INVS: variants seen among roughly 807,000 people sequenced by gnomAD.
The protein encoded by INVS is inversin.
Under a neutral mutation model 108.8 loss-of-function variants are expected in INVS, and 86 were observed. That is an observed-to-expected ratio of 0.79 (90% CI 0.66 to 0.95). INVS has a LOEUF of 0.95. Among genes scored for constraint, INVS ranks in the 40% least tolerant of loss-of-function variants. The pLI is 0.00. For missense variants in INVS, 1,169 were observed against 1,297.4 expected, an observed-to-expected ratio of 0.90 and a Z score of 1.52; for synonymous variants, 455 against 473.5, an observed-to-expected ratio of 0.96 and a Z score of 0.51.
chr9:100,264,757 C>A (rs1372576665), intron 10 of INVS, 65 bp from the exon 11 acceptor site: 4 of 1,071,782 alleles, frequency 3.7e-6, no homozygotes, highest in South Asian at 1.3e-5. Context: ...TTTGAATTAG[C>A]ATAAATAACC....
chr9:100,142,817 AGTT>A (rs1828475219), intron 3 of INVS, among the ~76,000 whole-genome samples: 2 of 152,214 alleles, frequency 1.3e-5, no homozygotes, highest in South Asian at 4.1e-4. Flanking sequence ...AGTAAGGTCC[AGTT>A]GTTTGGACAG....
At chr9:100,178,496 C>A (rs1293096894) in intron 3 of INVS, among the ~76,000 whole-genome samples, 1 of 152,050 alleles carries the variant, frequency 6.6e-6, no homozygotes, top group Non-Finnish European at 1.5e-5. Flanking sequence ...GAAGCACACG[C>A]AAGTATCAAT....
rs1161036698 is a variant in INVS at position 100,122,576 on chromosome 9, C to CTTTTTTTTTT, written c.107-3791_107-3782dup. On this transcript the variant is annotated intron_variant, in intron 2 of 16. Coordinates refer to ENST00000262457, the MANE Select transcript of INVS (RefSeq NM_014425.5). Reference sequence around the variant, plus strand: ...ATGTTATTGTATTTTAAGTGAGTTTCTTTTTTTTTTTTTTTTTTTTTTTTT... The same window carrying CTTTTTTTTTT: ...ATGTTATTGTATTTTAAGTGAGTTTCTTTTTTTTTTTTTTTTTTTTTTTTTTTTTTTTTTT... Among the ~76,000 whole-genome samples the CTTTTTTTTTT allele has an allele frequency of 2.6e-4, 15 of 57,518 alleles. 2 individuals are homozygous for CTTTTTTTTTT. The highest frequency in any genetic ancestry group is 3.3e-4 in the African/African-American group (5 of 14,972). The allele number at this position is 57,518 out of a possible 152,430, so 37.7% of individuals were successfully genotyped here. A position where few individuals can be genotyped will look rare whatever the true frequency, so the allele number is the denominator to read the frequency against.
At chr9:100,150,248 T>C (rs73505791) in intron 3 of INVS, among the ~76,000 whole-genome samples, 31,974 of 152,154 alleles carry the variant, frequency 0.21, 5,715 homozygotes, top group African/African-American at 0.49. Context: ...TTGTTTTAAA[T>C]ATGATTATGT....
intron 8 of INVS, among the ~76,000 whole-genome samples, chr9:100,249,200 G>A (rs1269065638): frequency 1.3e-5 from 2 of 152,142 alleles, no homozygotes; most frequent in Non-Finnish European, 2.9e-5. Flanking sequence ...TAAATCAGAA[G>A]TGGAGCATTA....
At chr9:100,154,136 G>A (rs1172034521) in intron 3 of INVS, among the ~76,000 whole-genome samples, 2 of 151,954 alleles carry the variant, frequency 1.3e-5, no homozygotes, top group Non-Finnish European at 2.9e-5. Flanking sequence ...ATTTGTAGTA[G>A]AGAAAGCTTG....
At chr9:100,295,590 A>AGGTGGAG (rs1338489494) in intron 14 of INVS, among the ~76,000 whole-genome samples, 2 of 152,188 alleles carry the variant, frequency 1.3e-5, no homozygotes, top group African/African-American at 2.4e-5. Context: ...TATAGGGGAC[A>AGGTGGAG]GGTGGAGGAT....
At chr9:100,164,092 A>G (rs1473745436) in intron 3 of INVS, among the ~76,000 whole-genome samples, 3 of 152,100 alleles carry the variant, frequency 2.0e-5, no homozygotes, top group Non-Finnish European at 4.4e-5. Flanking sequence ...TAGAAGTCCA[A>G]TTTTATTTTT....
intron 14 of INVS, among the ~76,000 whole-genome samples, chr9:100,294,640 G>A (rs1009449022): frequency 6.6e-6 from 1 of 152,114 alleles, no homozygotes; most frequent in Admixed American, 6.5e-5. Flanking sequence ...TCAAATCCAA[G>A]GGCCTTTCCC....
intron 3 of INVS, among the ~76,000 whole-genome samples, chr9:100,136,808 G>A (rs1440136506): frequency 6.6e-6 from 1 of 152,200 alleles, no homozygotes; most frequent in African/African-American, 2.4e-5. Context: ...GGGAGGCTGA[G>A]GTGGGCAGAT....
Position 100,273,034 on chromosome 9 carries a change from T to A in INVS, c.1742T>A (p.Leu581His). 6.2e-7 allele frequency: 1 copy of A among 1,613,908 alleles called. No individual in the cohort carries two copies. Among genetic ancestry groups the A allele is most frequent in the Admixed American group, 1.7e-5 (1 of 60,000 alleles). The change falls in exon 12 of 17, where the codon CTC becomes CAC. Residue 581 changes from leucine to histidine, a missense_variant. Leu to His is a moderately conservative substitution (Grantham distance 99). Coordinates refer to ENST00000262457, the MANE Select transcript of INVS (RefSeq NM_014425.5). ...VRKAFRDRKN[L>H]LMKHEQLRKD... ...AAAGCCTTCCGAGACAGGAAAAATC[T>A]CCTCATGAAGCATGAACAGTTGAGA...
chr9:100,279,301 G>A (rs1054346203), intron 12 of INVS, among the ~76,000 whole-genome samples: 6 of 152,144 alleles, frequency 3.9e-5, no homozygotes, highest in African/African-American at 1.4e-4. Flanking sequence ...TAGTAAGGAA[G>A]AGAGATGGCA....
intron 3 of INVS, among the ~76,000 whole-genome samples, chr9:100,188,691 A>G (rs1179408935): frequency 7.0e-6 from 1 of 142,174 alleles, no homozygotes; most frequent in Non-Finnish European, 1.5e-5. Context: ...TCAGGGTGAT[A>G]CTGGCTTTGT....
chr9:100,256,173 T>G (rs976453024), intron 10 of INVS, among the ~76,000 whole-genome samples: 6 of 152,252 alleles, frequency 3.9e-5, no homozygotes, highest in Non-Finnish European at 7.3e-5. Flanking sequence ...ATTTATCCAT[T>G]TCTTCTAGAT....
At chr9:100,215,418 A>T (rs1181497033) in intron 3 of INVS, 1 of 152,228 alleles carries the variant, frequency 6.6e-6, no homozygotes, top group Non-Finnish European at 1.5e-5. Context: ...CAAGGATGAA[A>T]TGAACCCTTT....
chr9:100,261,310 A>C (rs928295448), intron 10 of INVS, among the ~76,000 whole-genome samples: 2 of 149,822 alleles, frequency 1.3e-5, no homozygotes, highest in African/African-American at 4.9e-5. Flanking sequence ...CTGTCACCCA[A>C]GCTGGAGTGC....
At chr9:100,109,894 C>G (rs1350512780) in intron 2 of INVS, among the ~76,000 whole-genome samples, 1 of 152,118 alleles carries the variant, frequency 6.6e-6, no homozygotes, top group Non-Finnish European at 1.5e-5. Flanking sequence ...CTCGAACTCC[C>G]GACCTCAAGT....
chr9:100,243,374 A>G (rs1248162305), intron 7 of INVS, among the ~76,000 whole-genome samples: 1 of 152,226 alleles, frequency 6.6e-6, no homozygotes, highest in Non-Finnish European at 1.5e-5. Context: ...AAAATTTATG[A>G]CAAGTGCCTG....
At chr9:100,122,552 T>C (rs899741417) in intron 2 of INVS, among the ~76,000 whole-genome samples, 7 of 150,736 alleles carry the variant, frequency 4.6e-5, no homozygotes, top group African/African-American at 1.5e-4. Flanking sequence ...TAACCTCCTA[T>C]GTTATTGTAT....
Sources: allele counts gnomAD v4.1 joint callset (sites outside exome capture counted in the v4.1 genomes callset), GRCh38; gene constraint gnomAD v4.1.1; transcripts MANE v1.5; gene names NCBI Gene and HGNC (gene_info 2026-07-23, HGNC 2026-07-21).